The following SOAT1 variants were observed in gnomAD, a reference collection of about 807,000 sequenced individuals.
SOAT1 encodes the protein acyl-coenzyme A:cholesterol acyltransferase 1.
In SOAT1, 55 loss-of-function variants were observed where a neutral mutation model predicts 69.5. The ratio of observed to expected loss-of-function variants is 0.79; its 90% CI spans 0.64 to 0.99. SOAT1 has a LOEUF of 0.99. Among genes scored for constraint, SOAT1 ranks in the 50% least tolerant of loss-of-function variants. The pLI is 0.00. For synonymous variants in SOAT1, 231 were observed against 224.7 expected, an observed-to-expected ratio of 1.03 and a Z score of -0.25; for missense variants, 580 against 669.3, an observed-to-expected ratio of 0.87 and a Z score of 1.47.
chr1:179,356,126 C>G lies in SOAT1; in HGVS notation c.*2485C>G, dbSNP rs1010532603. 3.3e-5 allele frequency: 5 copies of G among 152,028 alleles called. No individual in the cohort carries two copies. Among genetic ancestry groups the G allele is most frequent in the Admixed American group, 2.0e-4 (3 of 15,250 alleles). The allele number at this position is 152,028 out of a possible 1,614,324, so 9.4% of individuals were successfully genotyped here. ...TATTTTTTCTATTTTGCTATTGTGG[C>G]GAAAATTATTTTCAGTTATAGGATA... On this transcript the variant is annotated 3_prime_UTR_variant, in exon 16 of 16. Coordinates refer to ENST00000367619, the MANE Select transcript of SOAT1 (RefSeq NM_003101.6).
chr1:179,318,656 G>A (rs1012371760), intron 2 of SOAT1, among the ~76,000 whole-genome samples: 4 of 152,074 alleles, frequency 2.6e-5, no homozygotes, highest in Admixed American at 2.0e-4. Context: ...AACCACCAGC[G>A]TTTTGTCTGT....
intron 11 of SOAT1, among the ~76,000 whole-genome samples, chr1:179,346,937 T>C (rs1015751553): frequency 6.6e-6 from 1 of 151,958 alleles, no homozygotes; most frequent in Non-Finnish European, 1.5e-5. Context: ...ATTTCAAATG[T>C]CCTGTGGGGG....
chr1:179,317,641 G>GT (rs34050254), intron 2 of SOAT1, among the ~76,000 whole-genome samples: 35,078 of 142,738 alleles, frequency 0.25, 5,400 homozygotes, highest in East Asian at 0.46. Flanking sequence ...ATCATCATAG[G>GT]TTTTTTTTTT....
chr1:179,331,658 G>A (rs1665979082), intron 3 of SOAT1, among the ~76,000 whole-genome samples: 1 of 152,182 alleles, frequency 6.6e-6, no homozygotes, highest in Non-Finnish European at 1.5e-5. Context: ...ATGCCAAAGA[G>A]CATATACACT....
chr1:179,336,548 A>C (rs910865384), intron 4 of SOAT1, among the ~76,000 whole-genome samples: 1 of 151,986 alleles, frequency 6.6e-6, no homozygotes, highest in African/African-American at 2.4e-5. Flanking sequence ...TACATGATGA[A>C]TTCATTTAAA....
chr1:179,295,582 C>G (rs1664603360), intron 1 of SOAT1, among the ~76,000 whole-genome samples: 1 of 152,186 alleles, frequency 6.6e-6, no homozygotes, highest in Non-Finnish European at 1.5e-5. Flanking sequence ...ATACAGTGAT[C>G]CCCACTTAAC....
chr1:179,323,045 C>CTTTTTTTTTTTTTTTTTTTTTTTT, intron 2 of SOAT1, among the ~76,000 whole-genome samples: 1 of 126,738 alleles, frequency 7.9e-6, no homozygotes, highest in Non-Finnish European at 1.6e-5. Flanking sequence ...TCTTTTCTTT[C>CTTTTTTTTTTTTTTTTTTTTTTTT]TTTTTTTTTT....
chr1:179,296,819 G>C (rs558642257), intron 1 of SOAT1, among the ~76,000 whole-genome samples: 58 of 152,274 alleles, frequency 3.8e-4, no homozygotes, highest in Middle Eastern at 3.4e-3. Context: ...GGAACACGGA[G>C]GCAGGCTAAA....
chr1:179,353,548 C>G (rs1666819202), intron 15 of SOAT1, 37 bp from the exon 16 acceptor site: 1 of 1,580,686 alleles, frequency 6.3e-7, no homozygotes, highest in Admixed American at 1.7e-5. Context: ...ACTCTGTACA[C>G]AAATTATTTT....
At position 179,337,876 on chromosome 1, in the gene SOAT1, T is replaced by G; in HGVS notation, c.369T>G (p.Ile123Met). The change falls in exon 5 of 16, where the codon ATT becomes ATG. Residue 123 changes from isoleucine (I) to methionine (M), a missense_variant. Coordinates refer to ENST00000367619, the MANE Select transcript of SOAT1 (RefSeq NM_003101.6). ...RAPPEQGKIF[I>M]ARRSLLDELL... ...CTCCAGAACAAGGAAAGATTTTTAT[T>G]GCAAGGCGCTCTCTCTTAGAGTGAG... The G allele has an allele frequency of 6.2e-7, 1 of 1,610,100 alleles. No individual in the cohort carries two copies.
chr1:179,300,186 T>A (rs573737473), intron 1 of SOAT1, among the ~76,000 whole-genome samples: 79 of 151,958 alleles, frequency 5.2e-4, no homozygotes, highest in African/African-American at 1.8e-3. Context: ...AAAAAAAAAA[T>A]TCCCATTATT....
chr1:179,340,657 G>A (rs1666301873), intron 6 of SOAT1, among the ~76,000 whole-genome samples: 1 of 151,986 alleles, frequency 6.6e-6, no homozygotes, highest in East Asian at 1.9e-4. Context: ...AAGAACGATT[G>A]CTGTTTGAAT....
intron 4 of SOAT1, 150 bp downstream of exon 4, chr1:179,335,807 A>G: frequency 1.5e-6 from 1 of 669,978 alleles, no homozygotes; most frequent in South Asian, 2.7e-5. Context: ...TAACCATTTG[A>G]AGGAGGATGG....
chr1:179,316,109 G>A (rs563671542), intron 2 of SOAT1, among the ~76,000 whole-genome samples: 2 of 152,136 alleles, frequency 1.3e-5, no homozygotes, highest in Middle Eastern at 3.4e-3. Flanking sequence ...TCTCTGTTAT[G>A]TGGTCCTTTC....
chr1:179,330,944 T>A (rs977642862), intron 3 of SOAT1, among the ~76,000 whole-genome samples: 14 of 152,186 alleles, frequency 9.2e-5, no homozygotes, highest in Non-Finnish European at 2.9e-5. Context: ...GGGAAACTTA[T>A]TTACTCTAAG....
chr1:179,299,920 A>AT (rs11371492), intron 1 of SOAT1, among the ~76,000 whole-genome samples: 25,715 of 138,462 alleles, frequency 0.19, 2,441 homozygotes, highest in Non-Finnish European at 0.22. Context: ...TGCCCAGCTA[A>AT]TTTTTTTTTT....
chr1:179,328,509 T>C (rs1453263469), intron 3 of SOAT1, among the ~76,000 whole-genome samples: 4 of 152,160 alleles, frequency 2.6e-5, no homozygotes, highest in Admixed American at 1.3e-4. Flanking sequence ...GAGAATTGAA[T>C]TTTGGCCGGA....
intron 2 of SOAT1, among the ~76,000 whole-genome samples, chr1:179,314,183 C>T (rs1665315519): frequency 6.6e-6 from 1 of 152,174 alleles, no homozygotes; most frequent in African/African-American, 2.4e-5. Flanking sequence ...CCCTCATTCT[C>T]CCACAGCGCT....
intron 2 of SOAT1, among the ~76,000 whole-genome samples, chr1:179,320,297 C>T (rs1314159438): frequency 3.3e-5 from 5 of 152,054 alleles, no homozygotes; most frequent in African/African-American, 9.7e-5. Context: ...AAGAATCTTT[C>T]CGCATTTTTC....
Sources: gnomAD v4.1 joint callset for allele counts (sites outside exome capture counted in the v4.1 genomes callset) on GRCh38, gnomAD v4.1.1 for gene constraint, MANE v1.5 for transcripts, NCBI Gene and HGNC (gene_info 2026-07-23, HGNC 2026-07-21) for gene names.